The following ANTXR1 variants were observed in gnomAD, a reference collection of about 807,000 sequenced individuals.
ANTXR1 encodes the protein ANTXR cell adhesion molecule 1.
A neutral mutation model predicts 78.1 loss-of-function variants in ANTXR1; 19 were observed. That is an observed-to-expected ratio of 0.24 (90% CI 0.17 to 0.36). The LOEUF (loss-of-function observed/expected upper bound fraction) is 0.36. Ranked by LOEUF, ANTXR1 falls within the 10% of genes least tolerant of loss-of-function variation. ANTXR1 has a pLI of 1.00. For missense variants in ANTXR1, 518 were observed against 718.6 expected, an observed-to-expected ratio of 0.72 and a Z score of 3.19; for synonymous variants, 273 against 260.5, an observed-to-expected ratio of 1.05 and a Z score of -0.46.
At chr2:69,196,520 A>AG (rs202156543) in intron 17 of ANTXR1, among the ~76,000 whole-genome samples, 1,929 of 152,224 alleles carry the variant, frequency 0.013, 44 homozygotes, top group African/African-American at 0.044. Flanking sequence ...CAGGCGAGGC[A>AG]GGGGGGGCAA....
intron 13 of ANTXR1, among the ~76,000 whole-genome samples, chr2:69,161,359 A>T (rs1007262381): frequency 6.6e-6 from 1 of 152,208 alleles, no homozygotes; most frequent in African/African-American, 2.4e-5. Context: ...ATGAGATGAG[A>T]GACCAAAAAT....
chr2:69,152,088 A>C, intron 12 of ANTXR1, 81 bp from the exon 13 acceptor site: 1 of 1,348,540 alleles, frequency 7.4e-7, no homozygotes, highest in Non-Finnish European at 1.1e-6. Flanking sequence ...TTAAATCTGC[A>C]TATCAGTGAT....
At chr2:69,245,150 G>A in intron 17 of ANTXR1, 75 bp from the exon 18 acceptor site, 6 of 1,578,182 alleles carry the variant, frequency 3.8e-6, no homozygotes, top group Non-Finnish European at 5.2e-6. Flanking sequence ...TTGCTTGCAA[G>A]CCGCCCACCA....
At chr2:69,123,114 C>A in intron 11 of ANTXR1, 28 bp downstream of exon 11, 1 of 1,610,608 alleles carries the variant, frequency 6.2e-7, no homozygotes, top group Non-Finnish European at 8.5e-7. Context: ...ACTGAACCTC[C>A]CAGCCAGGGA....
At chr2:69,140,525 G>A (rs945038552) in intron 12 of ANTXR1, among the ~76,000 whole-genome samples, 7 of 152,222 alleles carry the variant, frequency 4.6e-5, no homozygotes, top group African/African-American at 1.4e-4. Flanking sequence ...CCCAAAAGCT[G>A]TAGGAACCAG....
intron 1 of ANTXR1, among the ~76,000 whole-genome samples, chr2:69,031,993 AC>A (rs537867071): frequency 2.8e-4 from 42 of 151,798 alleles, no homozygotes; most frequent in African/African-American, 9.7e-4. Flanking sequence ...TCAAAATATT[AC>A]CCCCATTATG....
intron 17 of ANTXR1, among the ~76,000 whole-genome samples, chr2:69,200,692 G>T (rs1417243675): frequency 6.6e-6 from 1 of 152,136 alleles, no homozygotes; most frequent in East Asian, 1.9e-4. Context: ...CCATTTCTGG[G>T]CTGAGCACTA....
In ANTXR1 at chr2:69,073,167, C is replaced by T. The variant is rs1397684936; in HGVS notation, c.492+66C>T. ...CGGGGCTTCTCCTTTCTAAAATGGG[C>T]CACACTCTCTCTATTCATGTGATAG... On this transcript the variant is annotated intron_variant, in intron 6 of 17. Coordinates refer to ENST00000303714, the MANE Select transcript of ANTXR1 (RefSeq NM_032208.3). 3.5e-6 allele frequency: 5 copies of T among 1,418,078 alleles called. No individual in the cohort carries two copies. The African/African-American group carries it at 7.1e-5, about 20-fold the overall frequency. 87.8% of individuals were successfully genotyped at this position (1,418,078 alleles called of 1,614,324 possible). A position where few individuals can be genotyped will look rare whatever the true frequency, so the allele number is the denominator to read the frequency against.
intron 16 of ANTXR1, chr2:69,182,899 T>C: frequency 3.6e-6 from 2 of 562,410 alleles, no homozygotes; most frequent in Non-Finnish European, 6.3e-6. Context: ...GCAGCACATA[T>C]AGTAAAACTG....
intron 10 of ANTXR1, among the ~76,000 whole-genome samples, chr2:69,109,044 G>T (rs751108341): frequency 3.4e-4 from 52 of 152,294 alleles, no homozygotes; most frequent in Non-Finnish European, 1.6e-4. Flanking sequence ...AAGAGTTCTG[G>T]CTCTGTCGTA....
chr2:69,128,278 A>C (rs534608944), intron 12 of ANTXR1, among the ~76,000 whole-genome samples: 1 of 152,282 alleles, frequency 6.6e-6, no homozygotes, highest in East Asian at 1.9e-4. Flanking sequence ...TTCCCAATCG[A>C]TAAAACTAAG....
At chr2:69,069,388 A>G (rs1670500820) in intron 3 of ANTXR1, among the ~76,000 whole-genome samples, 1 of 152,198 alleles carries the variant, frequency 6.6e-6, no homozygotes, top group Admixed American at 6.5e-5. Context: ...CGGTAACAAT[A>G]GTACTACTGC....
chr2:69,244,235 G>A (rs1281304899), intron 17 of ANTXR1, among the ~76,000 whole-genome samples: 1 of 152,182 alleles, frequency 6.6e-6, no homozygotes, highest in East Asian at 1.9e-4. Flanking sequence ...TGCTTTAAGG[G>A]GTTCCAGGGT....
In ANTXR1 at chr2:69,074,242, G is replaced by C. The variant is rs189351357; in HGVS notation, c.492+1141G>C. Among the ~76,000 whole-genome samples, 6 of 152,318 alleles carry C rather than the reference G, an allele frequency of 3.9e-5. No individual in the cohort carries two copies. In the East Asian group the frequency reaches 1.2e-3, roughly 29 times the overall value. The stretch of plus-strand genomic sequence containing the variant: ...AGGAAATACACAAGGTAATATGACA[G>C]ACACTCCCTGAGCATTTGGAAAATA... On this transcript the variant is annotated intron_variant, in intron 6 of 17. Transcript: ENST00000303714.
chr2:69,236,122 G>C (rs955311527), intron 17 of ANTXR1, among the ~76,000 whole-genome samples: 1 of 152,106 alleles, frequency 6.6e-6, no homozygotes, highest in African/African-American at 2.4e-5. Flanking sequence ...TACAATTCAA[G>C]ATGAGATTTG....
intron 17 of ANTXR1, among the ~76,000 whole-genome samples, chr2:69,194,359 G>A (rs1371786377): frequency 1.3e-5 from 2 of 152,114 alleles, no homozygotes; most frequent in Non-Finnish European, 2.9e-5. Context: ...CAAAATAAAA[G>A]TATCTCATTT....
At position 69,196,529 on chromosome 2, in the gene ANTXR1, A is replaced by G. The variant is rs141965602; in HGVS notation, c.1434+3114A>G. ...GAATTCCAGGCGAGGCAGGGGGGGCAATATTGTAGCTCTGTCTATATGCTT... is the reference window on the plus strand; with the variant it reads ...GAATTCCAGGCGAGGCAGGGGGGGCGATATTGTAGCTCTGTCTATATGCTT... On this transcript the variant is annotated intron_variant, in intron 17 of 17. Coordinates refer to ENST00000303714, the MANE Select transcript of ANTXR1 (RefSeq NM_032208.3). 1.8e-3 allele frequency among the ~76,000 whole-genome samples: 268 copies of G among 152,206 alleles called. 1 individual carries two copies. The highest frequency in any genetic ancestry group is 5.6e-3 in the African/African-American group (232 of 41,470).
chr2:69,026,483 C>CT, intron 1 of ANTXR1, among the ~76,000 whole-genome samples: 1 of 152,354 alleles, frequency 6.6e-6, no homozygotes, highest in African/African-American at 2.4e-5. Flanking sequence ...ACAATGCCTG[C>CT]TGCTTAGTCA....
At chr2:69,126,585 C>T (rs1672547606) in intron 12 of ANTXR1, among the ~76,000 whole-genome samples, 1 of 152,112 alleles carries the variant, frequency 6.6e-6, no homozygotes, top group East Asian at 1.9e-4. Context: ...CTGTATTTCT[C>T]ATTATGTCTG....
Sources: gnomAD v4.1 joint callset for allele counts (sites outside exome capture counted in the v4.1 genomes callset) on GRCh38, gnomAD v4.1.1 for gene constraint, MANE v1.5 for transcripts, NCBI Gene and HGNC (gene_info 2026-07-23, HGNC 2026-07-21) for gene names.